Variants in HDAC8 observed in about 807,000 individuals in gnomAD.
The protein encoded by HDAC8 is histone deacetylase-like 1.
In HDAC8, 1 loss-of-function variant was observed where a neutral mutation model predicts 32.2. The observed-to-expected ratio is 0.03, with a 90% confidence interval of 0.01 to 0.15. The LOEUF (loss-of-function observed/expected upper bound fraction) is 0.15, where lower values mean the gene tolerates loss of function less well. HDAC8 is among the 10% of genes least tolerant of loss of function. HDAC8 has a pLI of 1.00. For missense variants in HDAC8, 117 were observed against 300.0 expected (o/e 0.39, Z 4.51); for synonymous variants, 108 against 113.9 (o/e 0.95, Z 0.33).
intron 4 of HDAC8, among the ~76,000 whole-genome samples, chrX:72,498,122 T>C (rs2148152688): frequency 9.3e-6 from 1 of 108,043 alleles, no homozygotes; most frequent in African/African-American, 3.4e-5. Context: ...GTATCAAATA[T>C]TCTGATGCAA....
Position 72,440,930 on chromosome X carries a change from C to T in HDAC8, c.1005+21074G>A, listed in dbSNP as rs906508496. ...CCTACGCCCACGGAGTCTTGCTGAT[C>T]GCTAGCACAGCAGTCTGAGTTCAAA... is the stretch of plus-strand genomic sequence containing the variant. On this transcript the variant is annotated intron_variant, in intron 9 of 10. Coordinates refer to ENST00000373573, the MANE Select transcript of HDAC8 (RefSeq NM_018486.3). Among the ~76,000 whole-genome samples the T allele has an allele frequency of 4.4e-5, 5 of 112,614 alleles. No homozygotes were observed. The South Asian group carries it at 1.1e-3, about 25-fold the overall frequency.
chrX:72,534,500 G>T (rs1483561936), intron 4 of HDAC8, among the ~76,000 whole-genome samples: 1 of 109,378 alleles, frequency 9.1e-6, no homozygotes, highest in South Asian at 4.0e-4. Context: ...GTAGAGATGG[G>T]GTTTTGCCAT....
At chrX:72,488,717 A>T (rs1204052758) in intron 7 of HDAC8, among the ~76,000 whole-genome samples, 1 of 111,860 alleles carries the variant, frequency 8.9e-6, no homozygotes, top group East Asian at 2.8e-4. Context: ...ATATTGAGTA[A>T]GATCCAACCT....
intron 9 of HDAC8, among the ~76,000 whole-genome samples, chrX:72,383,954 G>A (rs782081855): frequency 1.8e-5 from 2 of 110,030 alleles, no homozygotes; most frequent in African/African-American, 3.3e-5. Context: ...GTGTACTTCT[G>A]GCATCAGTGT....
chrX:72,398,609 G>A (rs185153891), intron 9 of HDAC8, among the ~76,000 whole-genome samples: 1 of 109,847 alleles, frequency 9.1e-6, no homozygotes, highest in East Asian at 2.8e-4. Context: ...TAAGTGTTGG[G>A]ATTATAGGTG....
chrX:72,423,827 C>G (rs2046559069), intron 9 of HDAC8, among the ~76,000 whole-genome samples: 1 of 111,950 alleles, frequency 8.9e-6, no homozygotes, highest in Non-Finnish European at 1.9e-5. Context: ...CCCTCTGGAG[C>G]CCTCCAATCT....
intron 9 of HDAC8, among the ~76,000 whole-genome samples, chrX:72,364,348 C>T (rs1335452130): frequency 3.6e-5 from 4 of 111,289 alleles, no homozygotes; most frequent in Non-Finnish European, 7.5e-5. Context: ...CAGGAGTTCG[C>T]GCCCTCTGTT....
At chrX:72,388,209 T>C (rs782267639) in intron 9 of HDAC8, among the ~76,000 whole-genome samples, 1 of 110,599 alleles carries the variant, frequency 9.0e-6, no homozygotes, top group Non-Finnish European at 1.9e-5. Context: ...GGAGGGTGTG[T>C]GTGTGTGTGT....
At chrX:72,471,215 C>T (rs1333265037) in intron 7 of HDAC8, among the ~76,000 whole-genome samples, 2 of 112,585 alleles carry the variant, frequency 1.8e-5, no homozygotes, top group Non-Finnish European at 3.8e-5. Flanking sequence ...CATGGATAGA[C>T]CACATTTTAT....
At chrX:72,387,911 T>A (rs1002691308) in intron 9 of HDAC8, among the ~76,000 whole-genome samples, 5 of 110,548 alleles carry the variant, frequency 4.5e-5, no homozygotes, top group Non-Finnish European at 9.5e-5. Flanking sequence ...GTGTCAGATA[T>A]TATAGGATCG....
intron 9 of HDAC8, among the ~76,000 whole-genome samples, chrX:72,412,264 C>T (rs185980355): frequency 1.2e-3 from 136 of 112,158 alleles, no homozygotes; most frequent in African/African-American, 4.1e-3. Context: ...GAAGTTTTGA[C>T]TCTGTCACTC....
At chrX:72,552,005 G>A (rs1556072781) in intron 4 of HDAC8, among the ~76,000 whole-genome samples, 1 of 111,793 alleles carries the variant, frequency 8.9e-6, no homozygotes, top group African/African-American at 3.3e-5. Flanking sequence ...ACACTACCTT[G>A]TATATAATGT....
chrX:72,543,109 T>C (rs1391349196), intron 4 of HDAC8, among the ~76,000 whole-genome samples: 1 of 111,659 alleles, frequency 9.0e-6, no homozygotes, highest in Non-Finnish European at 1.9e-5. Flanking sequence ...CCCTGTGCTA[T>C]GTTGTATGCT....
At chrX:72,425,118 G>A (rs1477850293) in intron 9 of HDAC8, among the ~76,000 whole-genome samples, 1 of 111,485 alleles carries the variant, frequency 9.0e-6, no homozygotes, top group Non-Finnish European at 1.9e-5. Flanking sequence ...ACTTTTTGAG[G>A]AACTGCCAAC....
At chrX:72,400,643 T>C (rs1569269906) in intron 9 of HDAC8, among the ~76,000 whole-genome samples, 1 of 112,515 alleles carries the variant, frequency 8.9e-6, no homozygotes, top group Non-Finnish European at 1.9e-5. Context: ...ATAATCTACA[T>C]ACCCCACAAT....
chrX:72,538,148 A>G (rs2050587987), intron 4 of HDAC8, among the ~76,000 whole-genome samples: 1 of 110,472 alleles, frequency 9.1e-6, no homozygotes, highest in Non-Finnish European at 1.9e-5. Context: ...GCTCTATGCA[A>G]CTTACTTCCT....
rs1555991898 is a variant in HDAC8 at position 72,462,024 on chromosome X, A to G, written c.985T>C (p.Ser329Pro). 2 of 1,205,030 alleles carry G rather than the reference A, an allele frequency of 1.7e-6. No homozygotes were observed. The highest frequency in any genetic ancestry group is 1.1e-6 in the Non-Finnish European group (1 of 891,332). Residue 329 changes from serine to proline, a missense_variant, in exon 9 of 11, where the codon TCT (serine) becomes CCT (proline). Physicochemically the swap from Ser to Pro is moderately conservative, Grantham distance 74. This residue lies in a region of HDAC8 where 5 missense variants were observed against 39.2 expected (regional missense o/e 0.13). Coordinates refer to ENST00000373573, the MANE Select transcript of HDAC8 (RefSeq NM_018486.3). ...CTTACCTCATGATCTGGGATCTCAG[A>G]GGATAGTGTTTTCCCTAGGATGACC... The part of the protein sequence containing the change: ...TGVILGKTLS[S>P]EIPDHEFFTA...
chrX:72,362,181 C>A (rs1301413117), intron 9 of HDAC8, among the ~76,000 whole-genome samples: 2 of 111,233 alleles, frequency 1.8e-5, no homozygotes, highest in African/African-American at 6.5e-5. Context: ...TGCGGATCCT[C>A]ATGAATGGCT....
chrX:72,459,847 A>G (rs1333939745), intron 9 of HDAC8, among the ~76,000 whole-genome samples: 1 of 112,019 alleles, frequency 8.9e-6, no homozygotes, highest in Non-Finnish European at 1.9e-5. Context: ...ATTTCAGAGG[A>G]CCACAAGGAT....
Sources: gnomAD v4.1 joint callset for allele counts (sites outside exome capture counted in the v4.1 genomes callset) on GRCh38, gnomAD v4.1.1 for gene constraint, gnomAD v4.1.1 regional missense constraint, MANE v1.5 for transcripts, NCBI Gene and HGNC (gene_info 2026-07-23, HGNC 2026-07-21) for gene names.